Variants in TMC1 observed in about 807,000 individuals in gnomAD.
TMC1 encodes transmembrane channel-like protein 1.
A neutral mutation model predicts 105.8 loss-of-function variants in TMC1; 84 were observed. The ratio of observed to expected loss-of-function variants is 0.79; its 90% CI spans 0.67 to 0.95. The LOEUF (loss-of-function observed/expected upper bound fraction) is 0.95. Ranked by LOEUF, TMC1 falls within the 40% of genes least tolerant of loss-of-function variation. The probability of loss-of-function intolerance (pLI) is 0.00; values close to 1 mark genes in which losing one functional copy is unlikely to be tolerated. For synonymous variants in TMC1, 315 were observed against 311.5 expected, an observed-to-expected ratio of 1.01 and a Z score of -0.12; for missense variants, 817 against 914.1, an observed-to-expected ratio of 0.89 and a Z score of 1.37.
intron 4 of TMC1, among the ~76,000 whole-genome samples, chr9:72,636,637 C>A (rs904028713): frequency 1.4e-5 from 2 of 139,760 alleles, no homozygotes; most frequent in African/African-American, 5.5e-5. Context: ...GAACCTGGGA[C>A]TTGGAGGTTG....
chr9:72,780,134 A>G (rs557072433), intron 13 of TMC1, among the ~76,000 whole-genome samples: 3 of 152,246 alleles, frequency 2.0e-5, no homozygotes, highest in Non-Finnish European at 4.4e-5. Context: ...AGAAATTTCA[A>G]CTAAGAATTT....
chr9:72,592,889 G>T (rs1824660694), intron 2 of TMC1, among the ~76,000 whole-genome samples: 1 of 152,202 alleles, frequency 6.6e-6, no homozygotes, highest in African/African-American at 2.4e-5. Flanking sequence ...TTAGTAATGA[G>T]ATTAAATTTC....
At chr9:72,589,313 A>T (rs1361449216) in intron 2 of TMC1, among the ~76,000 whole-genome samples, 1 of 152,232 alleles carries the variant, frequency 6.6e-6, no homozygotes, top group African/African-American at 2.4e-5. Context: ...ATGTCTATTA[A>T]ATACATTGTG....
rs1418904766 is a variant in TMC1 at position 72,755,110 on chromosome 9, AAGAG to A, written c.741+228_741+231del. The stretch of plus-strand genomic sequence containing the variant: ...AGAGAGAGAGAGAAAGAAAGAAAGA[AAGAG>A]AAAGAAAGAAAGAAAGAAAGAAACA... On this transcript the variant is annotated intron_variant, in intron 12 of 23. Transcript: ENST00000297784. 2.1e-5 allele frequency among the ~76,000 whole-genome samples: 3 copies of A among 143,160 alleles called. No homozygotes were observed. The East Asian group carries it at 6.1e-4, about 29-fold the overall frequency. The allele number at this position is 143,160 out of a possible 152,430, so 93.9% of individuals were successfully genotyped here.
intron 8 of TMC1, among the ~76,000 whole-genome samples, chr9:72,725,986 G>A (rs541601170): frequency 8.5e-5 from 13 of 152,204 alleles, no homozygotes; most frequent in African/African-American, 1.7e-4. Context: ...CACCACGCCC[G>A]GCCTCAAATG....
chr9:72,657,425 T>C (rs1191052663), intron 5 of TMC1, among the ~76,000 whole-genome samples: 3 of 152,226 alleles, frequency 2.0e-5, no homozygotes, highest in Non-Finnish European at 2.9e-5. Context: ...GTTACTGCAT[T>C]GTGGCTGGGA....
In TMC1 at chr9:72,685,633, GGATTACA is replaced by G. The variant is rs563875165; in HGVS notation, c.17-3074_17-3068del. 4.4e-3 allele frequency among the ~76,000 whole-genome samples: 673 copies of G among 152,156 alleles called. 4 individuals carry two copies. Among genetic ancestry groups the G allele is most frequent in the African/African-American group, 0.016 (645 of 41,506 alleles). ...TCCACCTCAGCCTCCCAAAGTGCTG[GGATTACA>G]GGCGTGAGCCACTGCGCCTGGCCTA... is the stretch of plus-strand genomic sequence containing the variant. On this transcript the variant is annotated intron_variant, in intron 5 of 23. Coordinates refer to ENST00000297784, the MANE Select transcript of TMC1 (RefSeq NM_138691.3).
intron 10 of TMC1, among the ~76,000 whole-genome samples, chr9:72,746,022 T>G (rs1335571859): frequency 6.6e-6 from 1 of 152,210 alleles, no homozygotes; most frequent in African/African-American, 2.4e-5. Context: ...CCTCAAAAAT[T>G]TGAATGCAAA....
chr9:72,723,295 TCTC>T (rs1202501095), intron 8 of TMC1, among the ~76,000 whole-genome samples: 5 of 152,184 alleles, frequency 3.3e-5, no homozygotes, highest in African/African-American at 7.2e-5. Flanking sequence ...TCTTTCATCT[TCTC>T]CTCTTCTGCT....
chr9:72,614,954 A>G (rs1468473675), intron 2 of TMC1, among the ~76,000 whole-genome samples: 1 of 152,204 alleles, frequency 6.6e-6, no homozygotes, highest in Non-Finnish European at 1.5e-5. Context: ...TGCTAGGATT[A>G]CAGATGTGAG....
chr9:72,597,039 C>A (rs977573616), intron 2 of TMC1, among the ~76,000 whole-genome samples: 1 of 152,214 alleles, frequency 6.6e-6, no homozygotes, highest in Admixed American at 6.5e-5. Context: ...GAAACCCAGA[C>A]TGCTGAGGGC....
At position 72,547,464 on chromosome 9, in the gene TMC1, C is replaced by G. The variant is rs527753392; in HGVS notation, c.-428+25551C>G. The stretch of plus-strand genomic sequence containing the variant: ...AATTTCTTTGACTTTTACCTGAACA[C>G]TACAGTCAGTCTTGGCCATAGTTTC... On this transcript the variant is annotated intron_variant, in intron 1 of 23. Coordinates refer to ENST00000297784, the MANE Select transcript of TMC1 (RefSeq NM_138691.3). 3.3e-5 allele frequency among the ~76,000 whole-genome samples: 5 copies of G among 152,262 alleles called. No homozygotes were observed. The South Asian group carries it at 1.0e-3, about 32-fold the overall frequency.
At chr9:72,714,604 T>C (rs1826888936) in intron 8 of TMC1, among the ~76,000 whole-genome samples, 3 of 152,114 alleles carry the variant, frequency 2.0e-5, no homozygotes, top group African/African-American at 7.2e-5. Flanking sequence ...TTTTTTTTGC[T>C]GTCCATTTGC....
chr9:72,738,739 T>G (rs1033018730), intron 8 of TMC1, among the ~76,000 whole-genome samples: 3 of 152,142 alleles, frequency 2.0e-5, no homozygotes, highest in African/African-American at 7.2e-5. Context: ...TTTTAAAAGT[T>G]GACTTTATAT....
chr9:72,597,280 C>T (rs56410768), intron 2 of TMC1, among the ~76,000 whole-genome samples: 17,183 of 152,242 alleles, frequency 0.11, 1,115 homozygotes, highest in Non-Finnish European at 0.16. Flanking sequence ...CACATGCGGC[C>T]GGAACCATGC....
rs59431883 is a variant in TMC1, at chr9:72,555,973, C to CAAAAAAAAAAAAAAAAAAAAAAAAAAA, written c.-427-21924_-427-21898dup. ...CAGGAAAACCAATCTATGACTAAGG[C>CAAAAAAAAAAAAAAAAAAAAAAAAAAA]AAAAAAAAAAAAAAAAAAAAAAAAA... On this transcript the variant is annotated intron_variant, in intron 1 of 23. Transcript: ENST00000297784. Among the ~76,000 whole-genome samples the CAAAAAAAAAAAAAAAAAAAAAAAAAAA allele has an allele frequency of 7.0e-5, 3 of 42,578 alleles. 1 individual carries two copies. Among genetic ancestry groups the CAAAAAAAAAAAAAAAAAAAAAAAAAAA allele is most frequent in the African/African-American group, 2.9e-4 (3 of 10,480 alleles). The allele number at this position is 42,578 out of a possible 152,430, so 27.9% of individuals were successfully genotyped here. A position where few individuals can be genotyped will look rare whatever the true frequency, so the allele number is the denominator to read the frequency against.
chr9:72,825,945 A>G (rs1828945727), intron 20 of TMC1, among the ~76,000 whole-genome samples: 2 of 152,150 alleles, frequency 1.3e-5, no homozygotes, highest in Non-Finnish European at 2.9e-5. Flanking sequence ...TTAGACCAGG[A>G]GAAAAAAACC....
chr9:72,523,516 G>T (rs1823350630), intron 1 of TMC1, among the ~76,000 whole-genome samples: 1 of 152,262 alleles, frequency 6.6e-6, no homozygotes, highest in African/African-American at 2.4e-5. Flanking sequence ...AAAAGAAAAT[G>T]CTATTAAGAA....
chr9:72,662,002 C>T (rs954438690), intron 5 of TMC1, among the ~76,000 whole-genome samples: 1 of 152,088 alleles, frequency 6.6e-6, no homozygotes, highest in African/African-American at 2.4e-5. Flanking sequence ...TCAGCTAGGT[C>T]TGATGGAACA....
Sources: allele counts gnomAD v4.1 joint callset (sites outside exome capture counted in the v4.1 genomes callset), GRCh38; gene constraint gnomAD v4.1.1; transcripts MANE v1.5; gene names NCBI Gene and HGNC (gene_info 2026-07-23, HGNC 2026-07-21).